COP1: variants seen among roughly 807,000 people sequenced by gnomAD.
The protein encoded by COP1 is E3 ubiquitin-protein ligase COP1.
Under a neutral mutation model 101.3 loss-of-function variants are expected in COP1, and 24 were observed. The observed-to-expected ratio is 0.24, with a 90% confidence interval of 0.17 to 0.33. The LOEUF (loss-of-function observed/expected upper bound fraction) is 0.33, where lower values mean the gene tolerates loss of function less well. Among genes scored for constraint, COP1 ranks in the 10% least tolerant of loss-of-function variants. The pLI is 1.00. For synonymous variants in COP1, 347 were observed against 341.9 expected, an observed-to-expected ratio of 1.01 and a Z score of -0.17; for missense variants, 663 against 906.2, an observed-to-expected ratio of 0.73 and a Z score of 3.45.
At chr1:176,190,893 A>G (rs1251467905) in intron 1 of COP1, among the ~76,000 whole-genome samples, 1 of 152,038 alleles carries the variant, frequency 6.6e-6, no homozygotes, top group Non-Finnish European at 1.5e-5. Context: ...AACTAAAAAA[A>G]AAATCAATCT....
rs146235890 is a variant in COP1, at chr1:176,008,043, G to A, written c.1730-18564C>T. Among the ~76,000 whole-genome samples, 539 of 152,264 alleles carry A rather than the reference G, an allele frequency of 3.5e-3. 9 individuals carry two copies. Among genetic ancestry groups the A allele is most frequent in the East Asian group, 0.031 (161 of 5,170 alleles). On this transcript the variant is annotated intron_variant, in intron 15 of 19. Coordinates refer to ENST00000367669, the MANE Select transcript of COP1 (RefSeq NM_022457.7). Reference sequence around the variant, plus strand: ...GGAGCCAGGTGCGGGATATAATCTCGTGGTGCGCCGTTTTTTAAGCCGGTC... The same window carrying A: ...GGAGCCAGGTGCGGGATATAATCTCATGGTGCGCCGTTTTTTAAGCCGGTC...
At chr1:176,155,222 A>G (rs1572569782) in intron 5 of COP1, among the ~76,000 whole-genome samples, 4 of 152,274 alleles carry the variant, frequency 2.6e-5, no homozygotes, top group Admixed American at 2.6e-4. Flanking sequence ...TTTAAAGCCA[A>G]TGACTGAAAC....
At position 176,116,613 on chromosome 1, in the gene COP1, A is replaced by T. The variant is rs1686225019; in HGVS notation, c.1026+11T>A. 1 of 1,594,734 alleles carries T rather than the reference A, an allele frequency of 6.3e-7. No individual in the cohort carries two copies. The highest frequency in any genetic ancestry group is 1.3e-5 in the African/African-American group (1 of 74,424). Reference sequence around the variant, plus strand: ...CATGGTATCATTAAAGCAAACAAAGATATCGTTTACCTGAGAACTGCCACT... The same window carrying T: ...CATGGTATCATTAAAGCAAACAAAGTTATCGTTTACCTGAGAACTGCCACT... On this transcript the variant is annotated intron_variant, in intron 9 of 19. Transcript: ENST00000367669.
chr1:176,056,512 G>A (rs1005743223), intron 11 of COP1, among the ~76,000 whole-genome samples: 1 of 150,012 alleles, frequency 6.7e-6, no homozygotes, highest in Non-Finnish European at 1.5e-5. Context: ...ATAATGGGGC[G>A]TGTGTGTGTG....
At chr1:175,946,172 T>A (rs1649143389) in intron 19 of COP1, among the ~76,000 whole-genome samples, 1 of 152,210 alleles carries the variant, frequency 6.6e-6, no homozygotes, top group Non-Finnish European at 1.5e-5. Flanking sequence ...TGCTTGAGGC[T>A]TCCAGAACAT....
At chr1:176,168,245 G>A (rs562581127) in intron 3 of COP1, among the ~76,000 whole-genome samples, 2 of 151,734 alleles carry the variant, frequency 1.3e-5, no homozygotes, top group East Asian at 2.0e-4. Flanking sequence ...CTTTAGTAGT[G>A]ACAGGATTTC....
At chr1:176,077,121 C>A (rs979401088) in intron 11 of COP1, among the ~76,000 whole-genome samples, 2 of 152,136 alleles carry the variant, frequency 1.3e-5, no homozygotes, top group South Asian at 4.1e-4. Context: ...CTAATTTATT[C>A]TATGAATCCA....
intron 9 of COP1, among the ~76,000 whole-genome samples, chr1:176,098,231 A>T (rs1425176411): frequency 1.3e-5 from 2 of 152,206 alleles, no homozygotes; most frequent in Non-Finnish European, 2.9e-5. Context: ...CCTTGGCTGC[A>T]CCAAGCAAAT....
chr1:175,996,987 G>A (rs1660324412), intron 15 of COP1, among the ~76,000 whole-genome samples: 1 of 151,028 alleles, frequency 6.6e-6, no homozygotes, highest in Non-Finnish European at 1.5e-5. Context: ...CACACTACCT[G>A]ACTTCAAACT....
In COP1 at chr1:176,063,201, A is replaced by G. The variant is rs1283798087; in HGVS notation, c.1278-16877T>C. 5.9e-5 allele frequency among the ~76,000 whole-genome samples: 9 copies of G among 151,778 alleles called. No homozygotes were observed. In the East Asian group the frequency reaches 1.7e-3, roughly 29 times the overall value. ...CAGCCTCCCGAGTAGCTGGGACTAC[A>G]GGCGCCCGCCACCGCGCCTGGCTAA... On this transcript the variant is annotated intron_variant, in intron 11 of 19. Coordinates refer to ENST00000367669, the MANE Select transcript of COP1 (RefSeq NM_022457.7).
At chr1:176,197,492 A>G (rs907914520) in intron 1 of COP1, among the ~76,000 whole-genome samples, 29 of 152,154 alleles carry the variant, frequency 1.9e-4, no homozygotes, top group African/African-American at 6.8e-4. Context: ...TAGTCTCTAG[A>G]CCTATGAGAA....
intron 15 of COP1, among the ~76,000 whole-genome samples, chr1:175,990,223 T>C (rs1432442043): frequency 6.6e-6 from 1 of 152,120 alleles, no homozygotes; most frequent in Non-Finnish European, 1.5e-5. Context: ...TTTAGTAATG[T>C]GTCATGTAAT....
chr1:176,182,566 C>G (rs1270319817), intron 2 of COP1, among the ~76,000 whole-genome samples: 2 of 152,148 alleles, frequency 1.3e-5, no homozygotes, highest in Non-Finnish European at 2.9e-5. Flanking sequence ...ATTATCTGGT[C>G]TAATATGTCA....
At chr1:176,010,709 A>G (rs1664509219) in intron 15 of COP1, among the ~76,000 whole-genome samples, 1 of 152,198 alleles carries the variant, frequency 6.6e-6, no homozygotes, top group Admixed American at 6.5e-5. Context: ...CTCTTATTTC[A>G]GTTGTTAAGC....
chr1:176,202,386 G>A (rs1364416915), intron 1 of COP1, among the ~76,000 whole-genome samples: 1 of 151,768 alleles, frequency 6.6e-6, no homozygotes, highest in East Asian at 1.9e-4. Flanking sequence ...ATGGGGTTTC[G>A]TCATGTTGCC....
chr1:175,964,371 C>T (rs1571271528), intron 18 of COP1, among the ~76,000 whole-genome samples: 1 of 152,150 alleles, frequency 6.6e-6, no homozygotes, highest in East Asian at 1.9e-4. Flanking sequence ...ATGTTTTCTC[C>T]CCTAAAACAA....
chr1:175,986,714 C>A (rs1162892365), intron 18 of COP1, among the ~76,000 whole-genome samples: 1 of 152,122 alleles, frequency 6.6e-6, no homozygotes. Flanking sequence ...CTGAGATATG[C>A]ACTAAATGCT....
chr1:176,022,546 T>G (rs1443413561), intron 15 of COP1, among the ~76,000 whole-genome samples: 1 of 152,192 alleles, frequency 6.6e-6, no homozygotes, highest in Non-Finnish European at 1.5e-5. Flanking sequence ...AAGAGAAACA[T>G]TTAGATGACA....
At chr1:176,174,623 G>A (rs759522384) in intron 3 of COP1, among the ~76,000 whole-genome samples, 6 of 152,114 alleles carry the variant, frequency 3.9e-5, no homozygotes, top group Non-Finnish European at 8.8e-5. Context: ...CACTTTTAGA[G>A]CAGATAAAAA....
Sources: allele counts gnomAD v4.1 joint callset (sites outside exome capture counted in the v4.1 genomes callset), GRCh38; gene constraint gnomAD v4.1.1; transcripts MANE v1.5; gene names NCBI Gene and HGNC (gene_info 2026-07-23, HGNC 2026-07-21).